TRMT11: variants seen among roughly 807,000 people sequenced by gnomAD.
TRMT11 encodes tRNA methyltransferase 11.
TRMT11 carries 53 observed loss-of-function variants against 62.8 expected under a neutral mutation model. The observed-to-expected ratio is 0.84, with a 90% CI of 0.68 to 1.06. The LOEUF is 1.06. Among genes scored for constraint, TRMT11 ranks in the 50% least tolerant of loss-of-function variants. The pLI, the probability that TRMT11 is intolerant of heterozygous loss-of-function variation, is 0.00. For missense variants in TRMT11, 556 were observed against 553.4 expected, an observed-to-expected ratio of 1.00 and a Z score of -0.05; for synonymous variants, 188 against 190.3, an observed-to-expected ratio of 0.99 and a Z score of 0.10.
chr6:126,004,961 T>G (rs551236901), intron 7 of TRMT11, among the ~76,000 whole-genome samples: 4 of 152,102 alleles, frequency 2.6e-5, no homozygotes, highest in Non-Finnish European at 5.9e-5. Flanking sequence ...ACAAATACAT[T>G]GGTTTTCATT....
chr6:126,124,149 A>G (rs1228348437), intron 21 of TRMT11, among the ~76,000 whole-genome samples: 1 of 152,106 alleles, frequency 6.6e-6, no homozygotes, highest in African/African-American at 2.4e-5. Flanking sequence ...TAAATGATGT[A>G]CTAAAAAGGT....
At chr6:125,997,920 C>T (rs1050959857) in intron 3 of TRMT11, 133 bp from the exon 4 acceptor site, 18 of 599,576 alleles carry the variant, frequency 3.0e-5, no homozygotes, top group Admixed American at 1.1e-4. Flanking sequence ...CTAAAATAAC[C>T]GATTCATTTA....
chr6:126,098,159 G>A (rs1165943234), intron 17 of TRMT11, among the ~76,000 whole-genome samples: 1 of 152,098 alleles, frequency 6.6e-6, no homozygotes, highest in African/African-American at 2.4e-5. Flanking sequence ...GCTAAGCTAA[G>A]TTTGAGGTAC....
At chr6:126,113,895 G>T (rs1275697587) in intron 18 of TRMT11, among the ~76,000 whole-genome samples, 1 of 152,012 alleles carries the variant, frequency 6.6e-6, no homozygotes, top group Non-Finnish European at 1.5e-5. Flanking sequence ...AGTTGGTCTA[G>T]GGTCTTCACT....
intron 17 of TRMT11, among the ~76,000 whole-genome samples, chr6:126,095,232 T>C (rs1307927081): frequency 6.6e-6 from 1 of 152,210 alleles, no homozygotes; most frequent in African/African-American, 2.4e-5. Flanking sequence ...TTCTAAGTGA[T>C]AATTTAAGCA....
At chr6:126,072,511 CAACTTA>C (rs1396779136) in intron 17 of TRMT11, among the ~76,000 whole-genome samples, 2 of 152,334 alleles carry the variant, frequency 1.3e-5, no homozygotes, top group South Asian at 2.1e-4. Flanking sequence ...TTGAAAATTA[CAACTTA>C]AACTTGATAC....
At position 125,999,447 on chromosome 6, in the gene TRMT11, T is replaced by C; in HGVS notation, c.523-10T>C. The C allele has an allele frequency of 6.3e-7, 1 of 1,585,104 alleles. No individual in the cohort carries two copies. The highest frequency in any genetic ancestry group is 2.3e-4 in the Middle Eastern group (1 of 4,410). On this transcript the variant is annotated splice_polypyrimidine_tract_variant and intron_variant, in intron 6 of 12. Transcript: ENST00000334379. ...TGGCTATACTAACATAAGAAATATC[T>C]CTGATTTAGATTGCAGATGGACAGA...
chr6:126,048,735 AGTC>A lies in TRMT11; in HGVS notation c.*1370-4386_*1370-4384del, dbSNP rs199775473. 3.8e-3 allele frequency among the ~76,000 whole-genome samples: 585 copies of A among 152,304 alleles called. 6 individuals are homozygous for A. The highest frequency in any genetic ancestry group is 0.034 in the East Asian group (174 of 5,174). On this transcript the variant is annotated intron_variant and NMD_transcript_variant, in intron 16 of 22. Transcript: ENST00000648977. ...TGCTAGACTTGTGACTCCTGCCAAAAGTCGACCTTGTTGCCTCTTGGTAAGGAC... is the reference window on the plus strand; with the variant it reads ...TGCTAGACTTGTGACTCCTGCCAAAAGACCTTGTTGCCTCTTGGTAAGGAC...
At chr6:126,005,414 A>G (rs775438120) in intron 7 of TRMT11, among the ~76,000 whole-genome samples, 1 of 152,090 alleles carries the variant, frequency 6.6e-6, no homozygotes, top group Non-Finnish European at 1.5e-5. Flanking sequence ...TTTCACGTCT[A>G]TCATTTGTAA....
At chr6:126,041,854 G>A (rs1775887989), downstream of TRMT11, among the ~76,000 whole-genome samples, 1 of 152,090 alleles carries the variant, frequency 6.6e-6, no homozygotes, top group Non-Finnish European at 1.5e-5. Flanking sequence ...CTATGGTTCT[G>A]TTCCATTTTA....
At chr6:126,059,084 A>G (rs1451908204) in intron 17 of TRMT11, among the ~76,000 whole-genome samples, 1 of 106,938 alleles carries the variant, frequency 9.4e-6, no homozygotes, top group Non-Finnish European at 1.8e-5. Context: ...GGTTCTTGCT[A>G]TGTTACCCAG....
chr6:126,061,065 C>T (rs932574992), intron 17 of TRMT11, among the ~76,000 whole-genome samples: 2 of 152,318 alleles, frequency 1.3e-5, no homozygotes, highest in Non-Finnish European at 1.5e-5. Context: ...AAAGAGGGCC[C>T]GCATAACAGA....
intron 2 of TRMT11, among the ~76,000 whole-genome samples, chr6:126,199,184 A>G (rs1778707243): frequency 6.6e-6 from 1 of 152,242 alleles, no homozygotes; most frequent in Admixed American, 6.5e-5. Context: ...CAAAGCCAAC[A>G]AAGGACTTGA....
At chr6:126,107,111 G>C (rs1308252672) in intron 17 of TRMT11, among the ~76,000 whole-genome samples, 1 of 152,160 alleles carries the variant, frequency 6.6e-6, no homozygotes, top group African/African-American at 2.4e-5. Flanking sequence ...ATTTTGGATA[G>C]AGAGCGTTGC....
chr6:126,077,085 C>T (rs183475638), intron 17 of TRMT11, among the ~76,000 whole-genome samples: 7 of 152,264 alleles, frequency 4.6e-5, no homozygotes, highest in African/African-American at 1.4e-4. Context: ...GGCTCAGTTA[C>T]CCTATTTAAC....
chr6:126,052,836 T>C (rs1776257367), intron 16 of TRMT11, among the ~76,000 whole-genome samples: 2 of 152,224 alleles, frequency 1.3e-5, no homozygotes, highest in Admixed American at 1.3e-4. Flanking sequence ...ATCAAGAACC[T>C]GAAAACAGGA....
intron 21 of TRMT11, among the ~76,000 whole-genome samples, chr6:126,116,225 A>G (rs1296832054): frequency 1.3e-5 from 2 of 151,952 alleles, no homozygotes; most frequent in Admixed American, 1.3e-4. Context: ...TTTTGGGGCA[A>G]TGGGAGTGTG....
chr6:126,204,661 A>T (rs530309868), downstream of TRMT11, among the ~76,000 whole-genome samples: 14 of 152,274 alleles, frequency 9.2e-5, no homozygotes, highest in South Asian at 2.7e-3. Context: ...AAGAACCCAA[A>T]CTTGTCTTGG....
At chr6:126,070,171 T>G (rs937283820) in intron 17 of TRMT11, among the ~76,000 whole-genome samples, 6 of 152,306 alleles carry the variant, frequency 3.9e-5, no homozygotes, top group African/African-American at 7.2e-5. Context: ...GAGGTGTGCT[T>G]CCCATCAGAG....
Sources: allele counts gnomAD v4.1 joint callset (sites outside exome capture counted in the v4.1 genomes callset), GRCh38; gene constraint gnomAD v4.1.1; transcripts MANE v1.5; gene names NCBI Gene and HGNC (gene_info 2026-07-23, HGNC 2026-07-21).